The following SLC36A2 variants were observed in gnomAD, a reference collection of about 807,000 sequenced individuals.
SLC36A2 encodes the protein proton-coupled amino acid transporter 2.
Under a neutral mutation model 42.7 loss-of-function variants are expected in SLC36A2, and 39 were observed. That is an observed-to-expected ratio of 0.91 (90% confidence interval 0.71 to 1.19). The LOEUF (loss-of-function observed/expected upper bound fraction) is 1.19, where lower values mean the gene tolerates loss of function less well. Among genes scored for constraint, SLC36A2 ranks in the 50% most tolerant of loss-of-function variants. The pLI is 0.00. For synonymous variants in SLC36A2, 237 were observed against 240.8 expected (o/e 0.98, Z 0.15); for missense variants, 590 against 613.7 (o/e 0.96, Z 0.41).
chr5:151,330,026 T>G (rs1755954789), intron 7 of SLC36A2, among the ~76,000 whole-genome samples: 2 of 150,110 alleles, frequency 1.3e-5, no homozygotes. Context: ...TTTAGGGGGG[T>G]GGGGGAGCGG....
intron 7 of SLC36A2, among the ~76,000 whole-genome samples, chr5:151,327,408 A>T (rs947899928): frequency 3.3e-5 from 5 of 152,138 alleles, no homozygotes; most frequent in African/African-American, 1.2e-4. Context: ...GTTACTAAGG[A>T]ATTTAGCATC....
Position 151,320,684 on chromosome 5 carries a change from T to TC in SLC36A2, c.1180+1361dup, listed in dbSNP as rs1205746294. On this transcript the variant is annotated intron_variant, in intron 9 of 9. Coordinates refer to ENST00000335244, the MANE Select transcript of SLC36A2 (RefSeq NM_181776.3). Reference sequence around the variant, plus strand: ...CAGCCAATAGGCAAGCACAGGACCGTCCAGGGGTCAAGGAGCCCCAGCTGA... The same window carrying TC: ...CAGCCAATAGGCAAGCACAGGACCGTCCCAGGGGTCAAGGAGCCCCAGCTGA... 3.3e-5 allele frequency among the ~76,000 whole-genome samples: 5 copies of TC among 152,136 alleles called. No homozygotes were observed. In the East Asian group the frequency reaches 9.6e-4, roughly 29 times the overall value.
chr5:151,341,959 A>G (rs1756358842), intron 4 of SLC36A2, among the ~76,000 whole-genome samples: 1 of 152,212 alleles, frequency 6.6e-6, no homozygotes, highest in Admixed American at 6.5e-5. Context: ...CACTGCCACC[A>G]GCTTGGTCCC....
At chr5:151,330,708 A>G (rs1237686883) in intron 7 of SLC36A2, among the ~76,000 whole-genome samples, 1 of 152,230 alleles carries the variant, frequency 6.6e-6, no homozygotes, top group Admixed American at 6.5e-5. Context: ...GAAAGCAAAG[A>G]TGATAACATT....
At chr5:151,341,492 TCAA>T (rs771541466) in intron 4 of SLC36A2, among the ~76,000 whole-genome samples, 2 of 152,066 alleles carry the variant, frequency 1.3e-5, no homozygotes, top group Non-Finnish European at 2.9e-5. Context: ...TAGATGGTGC[TCAA>T]CAAGAGGAGA....
chr5:151,335,320 T>C lies in SLC36A2; in HGVS notation c.744+9A>G. 1 of 1,603,286 alleles carries C rather than the reference T, an allele frequency of 6.2e-7. No individual in the cohort carries two copies. The highest frequency in any genetic ancestry group is 8.5e-7 in the Non-Finnish European group (1 of 1,172,928). On this transcript the variant is annotated intron_variant, in intron 6 of 9. Coordinates refer to ENST00000335244, the MANE Select transcript of SLC36A2 (RefSeq NM_181776.3). ...CAGTGGAGTGGGCAGGTGCATGGTG[T>C]GCACTCACCTGGGTAATGTACTGTA...
intron 8 of SLC36A2, chr5:151,325,045 T>G (rs559369836): frequency 1.8e-6 from 1 of 562,020 alleles, no homozygotes; most frequent in Non-Finnish European, 3.2e-6. Flanking sequence ...GTGTCCTCTC[T>G]TCTTAAGTCA....
chr5:151,333,143 C>G, intron 7 of SLC36A2, 81 bp downstream of exon 7: 1 of 1,308,520 alleles, frequency 7.6e-7, no homozygotes, highest in Non-Finnish European at 1.1e-6. Flanking sequence ...CAGCGGGACA[C>G]AGAAACCCAG....
chr5:151,323,242 A>AATAG lies in SLC36A2; in HGVS notation c.1011-1031_1011-1028dup, dbSNP rs1212489150. ...AGAGTGAGACCCTGTCTCAAAAATA[A>AATAG]ATAGATAGATAGATAAATAAATAAA... On this transcript the variant is annotated intron_variant, in intron 8 of 9. Transcript: ENST00000335244. Among the ~76,000 whole-genome samples the AATAG allele has an allele frequency of 2.0e-3, 210 of 102,852 alleles. 1 individual carries two copies. Among genetic ancestry groups the AATAG allele is most frequent in the Middle Eastern group, 4.9e-3 (1 of 206 alleles). 67.5% of individuals were successfully genotyped at this position (102,852 alleles called of 152,430 possible).
At chr5:151,339,236 G>C in intron 4 of SLC36A2, 92 bp from the exon 5 acceptor site, 1 of 942,188 alleles carries the variant, frequency 1.1e-6, no homozygotes, top group Non-Finnish European at 1.7e-6. Context: ...TCTGTTCCCA[G>C]GGATTGGTTG....
At chr5:151,320,956 A>G (rs535985089) in intron 9 of SLC36A2, among the ~76,000 whole-genome samples, 5 of 152,262 alleles carry the variant, frequency 3.3e-5, no homozygotes, top group Admixed American at 2.0e-4. Context: ...CCTACCTCTG[A>G]CACTTTCTGG....
At chr5:151,345,618 A>C (rs1383801529) in intron 1 of SLC36A2, among the ~76,000 whole-genome samples, 1 of 147,102 alleles carries the variant, frequency 6.8e-6, no homozygotes, top group East Asian at 2.0e-4. Flanking sequence ...CTGACCGAGC[A>C]CTACACCCTA....
intron 7 of SLC36A2, among the ~76,000 whole-genome samples, chr5:151,326,885 C>G (rs112881877): frequency 0.046 from 6,810 of 148,698 alleles, 196 homozygotes; most frequent in African/African-American, 0.07. Flanking sequence ...AATCACAGTT[C>G]ACTGCAACCT....
rs1396613357 is a variant in SLC36A2, at chr5:151,344,226, C to T, written c.206G>A (p.Gly69Asp). 6.2e-7 allele frequency: 1 copy of T among 1,614,164 alleles called. No homozygotes were observed. The highest frequency in any genetic ancestry group is 2.2e-5 in the East Asian group (1 of 44,884). ...ALIHLVKGNMGTGILGLPLAV... is the reference protein window; with the variant it reads ...ALIHLVKGNMDTGILGLPLAV... ...GAGGGGTAGTCCCAGGATCCCTGTG[C>T]CCATGTTGCCTTTCACCAGGTGAAT... The change falls in exon 2 of 10, where the codon GGC (glycine) becomes GAC (aspartate). Residue 69 changes from glycine to aspartate, a missense_variant. Coordinates refer to ENST00000335244, the MANE Select transcript of SLC36A2 (RefSeq NM_181776.3).
Position 151,342,987 on chromosome 5 carries a change from C to T in SLC36A2, c.345-4G>A. 6.2e-7 allele frequency: 1 copy of T among 1,612,116 alleles called. No individual in the cohort carries two copies. The highest frequency in any genetic ancestry group is 1.1e-5 in the South Asian group (1 of 91,030). On this transcript the variant is annotated splice_region_variant and splice_polypyrimidine_tract_variant and intron_variant, in intron 3 of 9. Coordinates refer to ENST00000335244, the MANE Select transcript of SLC36A2 (RefSeq NM_181776.3). ...GTCCATAAAGGGCTTGTTAAGCCTG[C>T]AGGAGAGAGTGCATAAACGGTTTCC...
At chr5:151,343,706 C>A in intron 2 of SLC36A2, 108 bp from the exon 3 acceptor site, 1 of 999,564 alleles carries the variant, frequency 1.0e-6, no homozygotes. Context: ...ACTCAAAGAA[C>A]TCTCTAGCAA....
chr5:151,343,900 C>G (rs906883016), intron 2 of SLC36A2, among the ~76,000 whole-genome samples: 1 of 152,126 alleles, frequency 6.6e-6, no homozygotes, highest in Non-Finnish European at 1.5e-5. Context: ...ACCTGGTGTT[C>G]TATAGAGCAT....
intron 7 of SLC36A2, among the ~76,000 whole-genome samples, chr5:151,332,056 G>A (rs750030788): frequency 2.6e-5 from 4 of 151,966 alleles, no homozygotes; most frequent in Admixed American, 6.6e-5. Flanking sequence ...TAGTAGAGAC[G>A]GGGTTTCACT....
In SLC36A2 at chr5:151,317,032, C is replaced by T. The variant is rs763459844; in HGVS notation, c.1237G>A (p.Val413Met). The change falls in exon 10 of 10, where the codon GTG becomes ATG. Residue 413 changes from valine to methionine, a missense_variant. Physicochemically the swap from Val to Met is conservative, Grantham distance 21. Coordinates refer to ENST00000335244, the MANE Select transcript of SLC36A2 (RefSeq NM_181776.3). ...ATGAGGGCCAGGGCGGTGCCACTCA[C>T]GGAGCCCACCAGGGAGATGACCAGG... ...LDLVISLVGS[V>M]SGTALALIIP... 8.2e-5 allele frequency: 132 copies of T among 1,614,002 alleles called. No homozygotes were observed. Among genetic ancestry groups the T allele is most frequent in the Middle Eastern group, 3.3e-4 (2 of 6,076 alleles).
Sources: gnomAD v4.1 joint callset for allele counts (sites outside exome capture counted in the v4.1 genomes callset) on GRCh38, gnomAD v4.1.1 for gene constraint, MANE v1.5 for transcripts, NCBI Gene and HGNC (gene_info 2026-07-23, HGNC 2026-07-21) for gene names.